Variants in SERBP1 observed in about 807,000 individuals in gnomAD.
SERBP1 encodes the protein SERPINE1 mRNA-binding protein 1.
A neutral mutation model predicts 50.2 loss-of-function variants in SERBP1; 6 were observed. That is an observed-to-expected ratio of 0.12 (90% confidence interval 0.07 to 0.24). The LOEUF (loss-of-function observed/expected upper bound fraction) is 0.24. Ranked by LOEUF, SERBP1 falls within the 10% of genes least tolerant of loss-of-function variation. The probability of loss-of-function intolerance (pLI) is 1.00; values close to 1 mark genes in which losing one functional copy is unlikely to be tolerated. For missense variants in SERBP1, 346 were observed against 524.9 expected (o/e 0.66, Z 3.33); for synonymous variants, 168 against 182.8 (o/e 0.92, Z 0.65).
At chr1:67,415,684 C>T (rs1666981439) in intron 6 of SERBP1, among the ~76,000 whole-genome samples, 1 of 152,112 alleles carries the variant, frequency 6.6e-6, no homozygotes, top group Non-Finnish European at 1.5e-5. Flanking sequence ...TTAAATATGC[C>T]CTTCAGATCA....
At position 67,426,221 on chromosome 1, in the gene SERBP1, T is replaced by C; in HGVS notation, c.378A>G (p.Arg126=). The stretch of plus-strand genomic sequence containing the variant: ...CACGAGGTGGTCGCCTTTCTGGTCT[T>C]CTATCAATTATTTTCCCTTCACCCT... ...QLQGEGKIID[R]RPERRPPRER... The change falls in exon 2 of 8, where the codon AGA becomes AGG. Residue 126 remains arginine (R), a synonymous_variant. Transcript: ENST00000361219. The C allele has an allele frequency of 6.2e-7, 1 of 1,610,742 alleles. No individual in the cohort carries two copies. The highest frequency in any genetic ancestry group is 8.5e-7 in the Non-Finnish European group (1 of 1,178,586).
intron 1 of SERBP1, among the ~76,000 whole-genome samples, chr1:67,426,629 C>T (rs1667390363): frequency 6.6e-6 from 1 of 152,128 alleles, no homozygotes. Flanking sequence ...CGTCACTTTC[C>T]AAGATAGTCT....
Position 67,415,243 on chromosome 1 carries a change from G to A in SERBP1, c.1048C>T (p.Pro350Ser). Reference protein sequence around the residue: ...LEINFGDLGRPGRGGRGGRGG... With the variant: ...LEINFGDLGRSGRGGRGGRGG... Reference sequence around the variant, plus strand: ...CGTCCTCCCCTGCCGCCACGTCCTGGGCGGCCAAGGTCTCCAAAATTGATC... The same window carrying A: ...CGTCCTCCCCTGCCGCCACGTCCTGAGCGGCCAAGGTCTCCAAAATTGATC... The change falls in exon 7 of 8, where the codon CCA (proline) becomes TCA (serine). Residue 350 changes from proline to serine, a missense_variant. Physicochemically the swap from Pro to Ser is moderately conservative, Grantham distance 74. Around this residue, in one of 5 missense-constraint regions of SERBP1, gnomAD observed 68 missense variants for 97.3 expected, o/e 0.70. Transcript: ENST00000361219. 6.2e-7 allele frequency: 1 copy of A among 1,613,210 alleles called. No individual in the cohort carries two copies. Among genetic ancestry groups the A allele is most frequent in the Non-Finnish European group, 8.5e-7 (1 of 1,179,558 alleles).
At chr1:67,426,963 C>T (rs1405177064) in intron 1 of SERBP1, among the ~76,000 whole-genome samples, 1 of 152,104 alleles carries the variant, frequency 6.6e-6, no homozygotes, top group African/African-American at 2.4e-5. Flanking sequence ...TAGCTACAGG[C>T]ACACAAAAAG....
Position 67,426,227 on chromosome 1 carries a change from A to G in SERBP1, c.372T>C (p.Ile124=), listed in dbSNP as rs1424895411. ...GTGGTCGCCTTTCTGGTCTTCTATC[A>G]ATTATTTTCCCTTCACCCTGAAGTT... ...DQQLQGEGKI[I]DRRPERRPPR... is the part of the protein sequence containing the mutation. Residue 124 remains isoleucine (I), a synonymous_variant, in exon 2 of 8, where the codon ATT becomes ATC. Transcript: ENST00000361219. 6.2e-7 allele frequency: 1 copy of G among 1,609,896 alleles called. No individual in the cohort carries two copies. Among genetic ancestry groups the G allele is most frequent in the East Asian group, 2.2e-5 (1 of 44,606 alleles).
chr1:67,429,885 AG>A, intron 1 of SERBP1, 102 bp downstream of exon 1: 1 of 1,275,594 alleles, frequency 7.8e-7, no homozygotes, highest in Non-Finnish European at 1.1e-6. Flanking sequence ...TAGGCGGCAA[AG>A]TCTCCCGCGG....
chr1:67,430,049 G>A lies in SERBP1; in HGVS notation c.252C>T (p.Pro84=), dbSNP rs749619985. ...SQKDRKNPLP[P]SVGVVDKKEE... is the part of the protein sequence containing the mutation. ...CTTTCTTGTCAACCACGCCAACGCT[G>A]GGGGGCAGCGGGTTCTTGCGGTCTT... The change falls in exon 1 of 8, where the codon CCC becomes CCT. Residue 84 remains proline, a synonymous_variant. Coordinates refer to ENST00000361219, the MANE Select transcript of SERBP1 (RefSeq NM_001018069.2). 3.6e-5 allele frequency: 58 copies of A among 1,613,392 alleles called. No individual in the cohort carries two copies. Among genetic ancestry groups the A allele is most frequent in the Non-Finnish European group, 4.6e-5 (54 of 1,179,754 alleles).
chr1:67,416,561 CTAAAGGGA>C (rs931913627), intron 6 of SERBP1, among the ~76,000 whole-genome samples: 3 of 152,146 alleles, frequency 2.0e-5, no homozygotes, highest in African/African-American at 7.2e-5. Flanking sequence ...ATCTTCTTTT[CTAAAGGGA>C]TAAAGAACAT....
chr1:67,424,752 A>G (rs370200855), intron 4 of SERBP1, 136 bp downstream of exon 4: 35 of 697,806 alleles, frequency 5.0e-5, no homozygotes, highest in African/African-American at 4.7e-4. Flanking sequence ...AACCCATCCC[A>G]TAAGACATTA....
At chr1:67,421,894 G>A (rs766084327) in intron 5 of SERBP1, among the ~76,000 whole-genome samples, 8 of 152,100 alleles carry the variant, frequency 5.3e-5, no homozygotes, top group East Asian at 3.9e-4. Context: ...GGCCAAAATC[G>A]CGCCACTGCA....
Position 67,413,128 on chromosome 1 carries a change from T to C in SERBP1, c.*79A>G. ...AGTCTTTTTTTTTTTAATTTCTTAG[T>C]CGTTTGGAATCCTTAAGCATGCAAA... is the stretch of plus-strand genomic sequence containing the variant. On this transcript the variant is annotated 3_prime_UTR_variant, in exon 8 of 8. Transcript: ENST00000361219. 1.4e-6 allele frequency: 2 copies of C among 1,427,926 alleles called. No individual in the cohort carries two copies. Among genetic ancestry groups the C allele is most frequent in the Non-Finnish European group, 1.9e-6 (2 of 1,072,822 alleles). The allele number at this position is 1,427,926 out of a possible 1,614,324, so 88.5% of individuals were successfully genotyped here.
At position 67,408,235 on chromosome 1, in the gene SERBP1, A is replaced by T. The variant is rs1056276019; in HGVS notation, c.*4972T>A. On this transcript the variant is annotated 3_prime_UTR_variant, in exon 8 of 8. Coordinates refer to ENST00000361219, the MANE Select transcript of SERBP1 (RefSeq NM_001018069.2). ...AACCAATTATCTAAATAGATTTCTA[A>T]AAGTCCATAATGAATCAGAACTCAG... 6.6e-6 allele frequency: 1 copy of T among 152,182 alleles called. No individual in the cohort carries two copies. Among genetic ancestry groups the T allele is most frequent in the Admixed American group, 6.5e-5 (1 of 15,276 alleles). The allele number at this position is 152,182 out of a possible 1,614,324, so 9.4% of individuals were successfully genotyped here.
rs1292482353 is a variant in SERBP1 at position 67,410,823 on chromosome 1, T to C, written c.*2384A>G. On this transcript the variant is annotated 3_prime_UTR_variant, in exon 8 of 8. Transcript: ENST00000361219. The stretch of plus-strand genomic sequence containing the variant: ...AATCAGATTAAATCCAAGAAGTCCT[T>C]GGATTTTGTATTTTACAAGAATTCA... The C allele has an allele frequency of 2.6e-5, 4 of 152,264 alleles. No individual in the cohort carries two copies. The highest frequency in any genetic ancestry group is 4.8e-5 in the African/African-American group (2 of 41,564). The allele number at this position is 152,264 out of a possible 1,614,324, so 9.4% of individuals were successfully genotyped here. A position where few individuals can be genotyped will look rare whatever the true frequency, so the allele number is the denominator to read the frequency against.
chr1:67,423,816 T>C (rs908205666), intron 5 of SERBP1, among the ~76,000 whole-genome samples: 1 of 152,184 alleles, frequency 6.6e-6, no homozygotes, highest in Non-Finnish European at 1.5e-5. Flanking sequence ...GTAAAATGAC[T>C]AATCAAACAG....
Position 67,429,837 on chromosome 1 carries a change from AG to A in SERBP1, c.313+150del. 3.3e-6 allele frequency: 3 copies of A among 917,894 alleles called. No individual in the cohort carries two copies. The South Asian group carries it at 5.1e-5, about 16-fold the overall frequency. The allele number at this position is 917,894 out of a possible 1,614,324, so 56.9% of individuals were successfully genotyped here. A position where few individuals can be genotyped will look rare whatever the true frequency, so the allele number is the denominator to read the frequency against. ...GCTACCACGCTCCTGGCACCTTCGC[AG>A]GACCGGACTTTTGTCGCGTGAAGAA... On this transcript the variant is annotated intron_variant, in intron 1 of 7. Transcript: ENST00000361219.
At chr1:67,423,614 G>GAA (rs1217789597) in intron 5 of SERBP1, among the ~76,000 whole-genome samples, 7 of 91,342 alleles carry the variant, frequency 7.7e-5, no homozygotes, top group African/African-American at 2.5e-4. Flanking sequence ...CTCAAAAAAA[G>GAA]AAAAAAAAAA....
rs1667011657 is a variant in SERBP1, at chr1:67,416,386, C to A, written c.952-1047G>T. 2.0e-5 allele frequency among the ~76,000 whole-genome samples: 3 copies of A among 152,140 alleles called. No individual in the cohort carries two copies. In the South Asian group the frequency reaches 6.2e-4, roughly 32 times the overall value. ...TTCTATTTGCGTTTAAGATACATGA[C>A]CCAGTCTGGGGGAAAAAAGCAAAAA... On this transcript the variant is annotated intron_variant, in intron 6 of 7. Transcript: ENST00000361219.
intron 5 of SERBP1, among the ~76,000 whole-genome samples, chr1:67,423,655 T>C (rs562123357): frequency 6.6e-6 from 1 of 152,208 alleles, no homozygotes; most frequent in Non-Finnish European, 1.5e-5. Flanking sequence ...ACTCTGATCT[T>C]TGCTCTCTTC....
intron 6 of SERBP1, among the ~76,000 whole-genome samples, chr1:67,416,583 G>C (rs981249639): frequency 3.3e-5 from 5 of 152,052 alleles, no homozygotes; most frequent in African/African-American, 1.2e-4. Context: ...AGAACATTTT[G>C]TTCTTTCATT....
Sources: allele counts gnomAD v4.1 joint callset (sites outside exome capture counted in the v4.1 genomes callset), GRCh38; gene constraint gnomAD v4.1.1; regional missense constraint gnomAD v4.1.1; transcripts MANE v1.5; gene names NCBI Gene and HGNC (gene_info 2026-07-23, HGNC 2026-07-21).